The following CMSS1 variants were observed in gnomAD, a reference collection of about 807,000 sequenced individuals.
CMSS1 encodes the protein cms1 ribosomal small subunit homolog, also known as protein CMSS1.
CMSS1 carries 33 observed loss-of-function variants against 43.5 expected under a neutral mutation model. The ratio of observed to expected loss-of-function variants is 0.76; its 90% CI spans 0.57 to 1.01. The LOEUF (loss-of-function observed/expected upper bound fraction) is 1.01, where lower values mean the gene tolerates loss of function less well. Ranked by LOEUF, CMSS1 falls within the 50% of genes least tolerant of loss-of-function variation. CMSS1 has a pLI of 0.00. For missense variants in CMSS1, 313 were observed against 326.4 expected (o/e 0.96, Z 0.32); for synonymous variants, 115 against 117.2 (o/e 0.98, Z 0.12).
At chr3:100,144,744 A>G (rs913485237) in intron 1 of CMSS1, among the ~76,000 whole-genome samples, 3 of 152,132 alleles carry the variant, frequency 2.0e-5, no homozygotes, top group Non-Finnish European at 2.9e-5. Flanking sequence ...TGGTAAAGAG[A>G]GCAGACTTTT....
intron 1 of CMSS1, among the ~76,000 whole-genome samples, chr3:100,108,435 G>A (rs756480722): frequency 1.1e-4 from 17 of 152,284 alleles, no homozygotes; most frequent in Middle Eastern, 3.4e-3. Context: ...TATGGCTGAG[G>A]AAACATGAGG....
chr3:99,885,723 A>C (rs972413835), intron 1 of CMSS1, among the ~76,000 whole-genome samples: 1 of 152,160 alleles, frequency 6.6e-6, no homozygotes, highest in African/African-American at 2.4e-5. Context: ...TGTGGAACAG[A>C]TATCTTTCTC....
intron 1 of CMSS1, among the ~76,000 whole-genome samples, chr3:99,899,259 C>G (rs1481736363): frequency 6.6e-6 from 1 of 152,164 alleles, no homozygotes; most frequent in African/African-American, 2.4e-5. Flanking sequence ...GAACAGGACA[C>G]TTGGTTATAA....
intron 1 of CMSS1, among the ~76,000 whole-genome samples, chr3:99,821,442 CT>C (rs938853516): frequency 3.2e-4 from 49 of 152,302 alleles, no homozygotes; most frequent in African/African-American, 1.2e-3. Flanking sequence ...CATAAGACAG[CT>C]GGGAGTTACA....
chr3:99,854,544 G>C (rs1343107621), intron 1 of CMSS1, among the ~76,000 whole-genome samples: 2 of 152,010 alleles, frequency 1.3e-5, no homozygotes, highest in Non-Finnish European at 2.9e-5. Context: ...CTATGCCAGG[G>C]TTTCTCCATC....
At chr3:100,139,607 G>A (rs1576098328) in intron 1 of CMSS1, among the ~76,000 whole-genome samples, 1 of 144,588 alleles carries the variant, frequency 6.9e-6, no homozygotes, top group Non-Finnish European at 1.5e-5. Flanking sequence ...GTATATATGT[G>A]TGTGTGTATA....
At chr3:99,900,950 G>A (rs140132685) in intron 1 of CMSS1, among the ~76,000 whole-genome samples, 8 of 152,318 alleles carry the variant, frequency 5.3e-5, no homozygotes, top group Non-Finnish European at 1.0e-4. Context: ...GATGGTAGTA[G>A]GATCTGGACC....
chr3:99,834,686 T>C (rs879643599), intron 1 of CMSS1, among the ~76,000 whole-genome samples: 31 of 152,194 alleles, frequency 2.0e-4, no homozygotes, highest in Non-Finnish European at 4.3e-4. Flanking sequence ...CTCTCCTGTG[T>C]CTTTCTCATT....
intron 1 of CMSS1, among the ~76,000 whole-genome samples, chr3:99,822,297 C>T (rs770757541): frequency 7.2e-5 from 11 of 152,196 alleles, no homozygotes; most frequent in Non-Finnish European, 1.6e-4. Flanking sequence ...CATTGAGCCT[C>T]CATGTCTTTT....
chr3:100,025,533 A>G (rs553793224), intron 1 of CMSS1: 3 of 152,324 alleles, frequency 2.0e-5, no homozygotes, highest in African/African-American at 4.8e-5. Flanking sequence ...AGGAACGGGG[A>G]AAGATGTTAT....
At chr3:99,867,394 C>G (rs1291237074) in intron 1 of CMSS1, among the ~76,000 whole-genome samples, 1 of 152,178 alleles carries the variant, frequency 6.6e-6, no homozygotes, top group Admixed American at 6.5e-5. Context: ...AGAAGGCAAA[C>G]TATCTCAGGT....
intron 1 of CMSS1, chr3:99,850,156 A>G: frequency 1.2e-6 from 2 of 1,611,066 alleles, no homozygotes; most frequent in Non-Finnish European, 1.7e-6. Flanking sequence ...TTTTTCACTC[A>G]TTGTTTTCCG....
At chr3:100,085,616 T>C (rs2065996700) in intron 1 of CMSS1, among the ~76,000 whole-genome samples, 1 of 152,142 alleles carries the variant, frequency 6.6e-6, no homozygotes, top group Non-Finnish European at 1.5e-5. Flanking sequence ...GCAAATAACA[T>C]CCTCAAGCTT....
At chr3:99,877,109 G>A (rs1358246711) in intron 1 of CMSS1, among the ~76,000 whole-genome samples, 1 of 152,112 alleles carries the variant, frequency 6.6e-6, no homozygotes, top group Non-Finnish European at 1.5e-5. Flanking sequence ...ATTCACCTCC[G>A]AATTATAAGA....
At chr3:99,905,565 C>T (rs1706587796) in intron 1 of CMSS1, among the ~76,000 whole-genome samples, 1 of 152,138 alleles carries the variant, frequency 6.6e-6, no homozygotes, top group Non-Finnish European at 1.5e-5. Flanking sequence ...TTTATTTTTA[C>T]TAAATGTGCA....
At chr3:99,896,505 G>A (rs1434954597) in intron 1 of CMSS1, among the ~76,000 whole-genome samples, 1 of 152,142 alleles carries the variant, frequency 6.6e-6, no homozygotes, top group Non-Finnish European at 1.5e-5. Context: ...TTCATACAGA[G>A]TCCTTTGAGA....
chr3:99,851,124 G>A (rs868563058), intron 1 of CMSS1: 7 of 1,352,314 alleles, frequency 5.2e-6, no homozygotes, highest in South Asian at 1.4e-5. Flanking sequence ...GTAACTCATC[G>A]AATGTACTTA....
chr3:99,900,110 A>C (rs1259030992), intron 1 of CMSS1, among the ~76,000 whole-genome samples: 1 of 152,216 alleles, frequency 6.6e-6, no homozygotes, highest in African/African-American at 2.4e-5. Flanking sequence ...CACACATAGC[A>C]GGTATTCAGT....
At chr3:99,846,131 C>T (rs1180350413) in intron 1 of CMSS1, among the ~76,000 whole-genome samples, 2 of 152,148 alleles carry the variant, frequency 1.3e-5, no homozygotes, top group Non-Finnish European at 2.9e-5. Flanking sequence ...ACAAGTGTGC[C>T]AAGAATGGAT....
Sources: gnomAD v4.1 joint callset for allele counts (sites outside exome capture counted in the v4.1 genomes callset) on GRCh38, gnomAD v4.1.1 for gene constraint, MANE v1.5 for transcripts, NCBI Gene and HGNC (gene_info 2026-07-23, HGNC 2026-07-21) for gene names.